Variants in MEIG1 observed in about 807,000 individuals in gnomAD.
The protein encoded by MEIG1 is meiosis/spermiogenesis associated 1, also known as meiosis expressed gene 1 protein homolog.
MEIG1 carries 12 observed loss-of-function variants against 11.3 expected under a neutral mutation model. The ratio of observed to expected loss-of-function variants is 1.07; its 90% CI spans 0.68 to 1.73. The LOEUF (loss-of-function observed/expected upper bound fraction) is 1.73, where lower values mean the gene tolerates loss of function less well. Ranked by LOEUF, MEIG1 falls within the 40% of genes most tolerant of loss-of-function variation. MEIG1 has a pLI of 0.00. For synonymous variants in MEIG1, 41 were observed against 33.2 expected, an observed-to-expected ratio of 1.24 and a Z score of -0.81; for missense variants, 119 against 104.9, an observed-to-expected ratio of 1.13 and a Z score of -0.59.
chr10:14,975,171 C>A (rs941455584), downstream of MEIG1, among the ~76,000 whole-genome samples: 1 of 152,094 alleles, frequency 6.6e-6, no homozygotes, highest in Non-Finnish European at 1.5e-5. Flanking sequence ...CTATTACTCC[C>A]GGTATCACAG....
downstream of MEIG1, among the ~76,000 whole-genome samples, chr10:14,975,423 C>A (rs1843199613): frequency 6.6e-6 from 1 of 152,004 alleles, no homozygotes; most frequent in African/African-American, 2.4e-5. Flanking sequence ...GGTCTACATC[C>A]AGTCTATGAT....
intron 1 of MEIG1, among the ~76,000 whole-genome samples, chr10:14,984,818 G>A (rs1352946094): frequency 6.7e-6 from 1 of 148,940 alleles, no homozygotes; most frequent in African/African-American, 2.5e-5. Flanking sequence ...ACACGGGGTG[G>A]ACACACAGTG....
At chr10:14,984,250 T>G (rs111849618) in intron 1 of MEIG1, among the ~76,000 whole-genome samples, 95,301 of 149,740 alleles carry the variant, frequency 0.64, 32,224 homozygotes, top group African/African-American at 0.89. Context: ...ATATCCAGGG[T>G]GGGAGAGGGG....
chr10:14,987,354 A>G, intron 2 of MEIG1: 1 of 796,598 alleles, frequency 1.3e-6, no homozygotes, highest in Non-Finnish European at 2.3e-6. Flanking sequence ...AGGGACAGGG[A>G]CAGCAAAGCG....
rs1230417009 is a variant in MEIG1, at chr10:14,987,550, A to C, written n.286-238A>C. 4.7e-6 allele frequency: 3 copies of C among 644,946 alleles called. No individual in the cohort carries two copies. The African/African-American group carries it at 5.5e-5, about 12-fold the overall frequency. The allele number at this position is 644,946 out of a possible 1,614,324, so 40.0% of individuals were successfully genotyped here. ...TCACAAGGAACATCTTTACACTTGC[A>C]GACCATACACCACCAGCAATGTTTC... On this transcript the variant is annotated intron_variant and non_coding_transcript_variant, in intron 2 of 2. Transcript: ENST00000467536.
At chr10:14,960,141 T>TC (rs59088837) in intron 1 of MEIG1, among the ~76,000 whole-genome samples, 85,887 of 151,880 alleles carry the variant, frequency 0.57, 24,374 homozygotes, top group South Asian at 0.63. Flanking sequence ...CTCTTTAAGT[T>TC]AGGAAACAGG....
intron 1 of MEIG1, among the ~76,000 whole-genome samples, chr10:14,978,966 C>T (rs1172775212): frequency 3.3e-5 from 5 of 151,840 alleles, no homozygotes; most frequent in African/African-American, 1.2e-4. Flanking sequence ...GGGTCGTATT[C>T]TAGGGGATTG....
chr10:14,971,367 CAAA>C (rs10560526), intron 2 of MEIG1, among the ~76,000 whole-genome samples: 7 of 147,070 alleles, frequency 4.8e-5, no homozygotes, highest in Admixed American at 6.8e-5. Context: ...CCTGTCTCTA[CAAA>C]AAAAAAAAAG....
upstream of MEIG1, among the ~76,000 whole-genome samples, chr10:14,955,069 C>T (rs1452935844): frequency 6.6e-6 from 1 of 152,178 alleles, no homozygotes; most frequent in East Asian, 1.9e-4. Flanking sequence ...GTAGCTGGGA[C>T]TACAGGCACG....
chr10:14,966,066 C>CTTTTTTTTTTTTTTTT (rs10673663), intron 1 of MEIG1, among the ~76,000 whole-genome samples: 4 of 118,720 alleles, frequency 3.4e-5, no homozygotes, highest in African/African-American at 6.4e-5. Context: ...TTTATTTATT[C>CTTTTTTTTTTTTTTTT]TTTTTTTTTT....
intron 1 of MEIG1, among the ~76,000 whole-genome samples, chr10:14,981,451 C>A (rs1843261873): frequency 6.6e-6 from 1 of 152,176 alleles, no homozygotes; most frequent in Non-Finnish European, 1.5e-5. Flanking sequence ...TCCTACAGTA[C>A]AAGTCCGAGG....
At chr10:14,961,666 G>C (rs59302103) in intron 1 of MEIG1, among the ~76,000 whole-genome samples, 1 of 36,332 alleles carries the variant, frequency 2.8e-5, no homozygotes, top group African/African-American at 7.7e-5. Context: ...TTTTAGTAGA[G>C]ACAGGTTTTC....
chr10:14,972,389 C>A, intron 2 of MEIG1, 124 bp from the exon 3 acceptor site: 1 of 1,254,066 alleles, frequency 8.0e-7, no homozygotes, highest in South Asian at 1.3e-5. Context: ...AAAGCTCAAG[C>A]ATTCTAAAAT....
chr10:14,979,346 AC>A (rs1405718485), intron 1 of MEIG1, among the ~76,000 whole-genome samples: 1 of 151,544 alleles, frequency 6.6e-6, no homozygotes, highest in Non-Finnish European at 1.5e-5. Context: ...GGAGGTGTAC[AC>A]CCTGTGATAT....
downstream of MEIG1, among the ~76,000 whole-genome samples, chr10:14,974,231 T>G (rs1001014511): frequency 6.6e-6 from 1 of 152,102 alleles, no homozygotes; most frequent in Non-Finnish European, 1.5e-5. Context: ...GTTTTGACAA[T>G]CAGCTGGTGC....
rs1220659388 is a variant in MEIG1, at chr10:14,964,622, C to CAT, written c.-29-1811_-29-1810dup. Among the ~76,000 whole-genome samples, 4 of 98,654 alleles carry CAT rather than the reference C, an allele frequency of 4.1e-5. No homozygotes were observed. The East Asian group carries it at 1.4e-3, about 35-fold the overall frequency. The allele number at this position is 98,654 out of a possible 152,430, so 64.7% of individuals were successfully genotyped here. A position where few individuals can be genotyped will look rare whatever the true frequency, so the allele number is the denominator to read the frequency against. On this transcript the variant is annotated intron_variant, in intron 1 of 2. Coordinates refer to ENST00000407572, the MANE Select transcript of MEIG1 (RefSeq NM_001080836.3). The stretch of plus-strand genomic sequence containing the variant: ...ATATATATATATACACACACACACA[C>CAT]ATATATATGTATACTTTTTTTTTTT...
intron 1 of MEIG1, among the ~76,000 whole-genome samples, chr10:14,961,520 G>T (rs1843012155): frequency 1.3e-5 from 2 of 152,020 alleles, no homozygotes; most frequent in South Asian, 4.2e-4. Flanking sequence ...ACCCAGGCTG[G>T]AGTGCAGTGG....
intron 1 of MEIG1, among the ~76,000 whole-genome samples, chr10:14,962,112 A>AT (rs932835243): frequency 2.7e-4 from 41 of 152,234 alleles, no homozygotes; most frequent in Non-Finnish European, 1.3e-4. Flanking sequence ...CATTAAATGT[A>AT]TTTTTTATCA....
At chr10:14,984,510 T>A (rs1253610681) in intron 1 of MEIG1, among the ~76,000 whole-genome samples, 1 of 152,050 alleles carries the variant, frequency 6.6e-6, no homozygotes, top group East Asian at 1.9e-4. Context: ...TGTGTACACC[T>A]TGTGGTCTTA....
Sources: allele counts gnomAD v4.1 joint callset (sites outside exome capture counted in the v4.1 genomes callset), GRCh38; gene constraint gnomAD v4.1.1; transcripts MANE v1.5; gene names NCBI Gene and HGNC (gene_info 2026-07-23, HGNC 2026-07-21).